CNTN5: variants seen among roughly 807,000 people sequenced by gnomAD.
CNTN5 encodes contactin 5, also known as contactin-5.
In CNTN5, 77 loss-of-function variants were observed where a neutral mutation model predicts 129.1. The observed-to-expected ratio is 0.60, with a 90% CI of 0.50 to 0.72. The LOEUF (loss-of-function observed/expected upper bound fraction) is 0.72, where lower values mean the gene tolerates loss of function less well. Among genes scored for constraint, CNTN5 ranks in the 30% least tolerant of loss-of-function variants. CNTN5 has a pLI of 0.00. For synonymous variants in CNTN5, 509 were observed against 465.6 expected, an observed-to-expected ratio of 1.09 and a Z score of -1.20; for missense variants, 1,478 against 1,328.8, an observed-to-expected ratio of 1.11 and a Z score of -1.75.
intron 3 of CNTN5, among the ~76,000 whole-genome samples, chr11:99,691,595 T>G (rs143818023): frequency 0.015 from 2,356 of 152,300 alleles, 58 homozygotes; most frequent in African/African-American, 0.052. Context: ...CTAATTTGAT[T>G]GCACTGTGGT....
At chr11:99,037,576 C>CTTTTTTTTTTTTTTTTTTT (rs1161467398) in intron 1 of CNTN5, among the ~76,000 whole-genome samples, 3 of 105,668 alleles carry the variant, frequency 2.8e-5, no homozygotes, top group African/African-American at 1.1e-4. Flanking sequence ...TTTTTCTTTT[C>CTTTTTTTTTTTTTTTTTTT]TTTTTTTTTT....
intron 6 of CNTN5, among the ~76,000 whole-genome samples, chr11:99,868,172 T>C (rs1193159414): frequency 2.0e-5 from 3 of 151,242 alleles, no homozygotes; most frequent in African/African-American, 7.3e-5. Flanking sequence ...GCTGAGAACG[T>C]GCCGCTGCAC....
Position 100,048,866 on chromosome 11 carries a change from CAAAG to C in CNTN5, c.981-12342_981-12339del, listed in dbSNP as rs1174153944. On this transcript the variant is annotated intron_variant, in intron 9 of 24. Coordinates refer to ENST00000524871, the MANE Select transcript of CNTN5 (RefSeq NM_014361.4). Reference sequence around the variant, plus strand: ...CAATGAAATATAAACAGGGTAAAAACAAAGAAAAATGTGGGAAGATACAACATAA... The same window carrying C: ...CAATGAAATATAAACAGGGTAAAAACAAAAATGTGGGAAGATACAACATAA... 2.0e-5 allele frequency among the ~76,000 whole-genome samples: 3 copies of C among 151,478 alleles called. No homozygotes were observed. In the East Asian group the frequency reaches 5.8e-4, roughly 29 times the overall value.
At chr11:99,842,112 C>T (rs567527757) in intron 4 of CNTN5, among the ~76,000 whole-genome samples, 17 of 152,136 alleles carry the variant, frequency 1.1e-4, no homozygotes, top group South Asian at 6.2e-4. Flanking sequence ...CCAGGCTTCT[C>T]TCAAACTACT....
At chr11:100,026,926 T>C (rs563541289) in intron 9 of CNTN5, among the ~76,000 whole-genome samples, 16 of 152,260 alleles carry the variant, frequency 1.1e-4, no homozygotes, top group African/African-American at 3.6e-4. Context: ...ATGCCTTTGA[T>C]AGTGTATCTA....
intron 1 of CNTN5, among the ~76,000 whole-genome samples, chr11:99,091,800 T>C (rs1237447178): frequency 1.3e-5 from 2 of 152,026 alleles, no homozygotes; most frequent in African/African-American, 2.4e-5. Context: ...ATTTATGATA[T>C]AGAATAGAGC....
intron 8 of CNTN5, among the ~76,000 whole-genome samples, chr11:99,977,332 C>T (rs1311438293): frequency 6.6e-6 from 1 of 152,192 alleles, no homozygotes; most frequent in Non-Finnish European, 1.5e-5. Context: ...GCCCTCCAAA[C>T]TGTTCCAACA....
chr11:100,001,113 C>G (rs1939844655), intron 8 of CNTN5, among the ~76,000 whole-genome samples: 1 of 152,166 alleles, frequency 6.6e-6, no homozygotes, highest in African/African-American at 2.4e-5. Flanking sequence ...GTTACTTATG[C>G]AAATTTCTGC....
chr11:99,584,874 G>C (rs369959221), intron 3 of CNTN5, among the ~76,000 whole-genome samples: 16 of 152,318 alleles, frequency 1.1e-4, no homozygotes, highest in South Asian at 1.0e-3. Flanking sequence ...TGCATACTTG[G>C]TGGATATTTT....
intron 2 of CNTN5, among the ~76,000 whole-genome samples, chr11:99,440,854 C>T (rs1482010304): frequency 6.6e-6 from 1 of 152,088 alleles, no homozygotes; most frequent in Non-Finnish European, 1.5e-5. Context: ...GCAAGGGAAG[C>T]TGGGATACGT....
intron 1 of CNTN5, among the ~76,000 whole-genome samples, chr11:99,287,267 C>T (rs1863978046): frequency 6.6e-6 from 1 of 152,008 alleles, no homozygotes; most frequent in Admixed American, 6.6e-5. Flanking sequence ...TTTAATGAAG[C>T]TGAAATAGTA....
chr11:99,191,282 A>G, intron 1 of CNTN5, among the ~76,000 whole-genome samples: 1 of 151,782 alleles, frequency 6.6e-6, no homozygotes, highest in Non-Finnish European at 1.5e-5. Context: ...GTTCATCAGG[A>G]ATATTGGCCT....
At position 99,146,668 on chromosome 11, in the gene CNTN5, C is replaced by T. The variant is rs116441986; in HGVS notation, c.-210+125398C>T. On this transcript the variant is annotated intron_variant, in intron 1 of 24. Coordinates refer to ENST00000524871, the MANE Select transcript of CNTN5 (RefSeq NM_014361.4). ...TTTATTATTTTCTGTATTGCTTAAT[C>T]TCCATGAAATGTCCATATTTATTTA... is the stretch of plus-strand genomic sequence containing the variant. Among the ~76,000 whole-genome samples the T allele has an allele frequency of 1.4e-3, 219 of 152,224 alleles. 1 individual carries two copies. Among genetic ancestry groups the T allele is most frequent in the African/African-American group, 5.2e-3 (218 of 41,538 alleles).
At chr11:100,201,505 T>C (rs1211747675) in intron 15 of CNTN5, among the ~76,000 whole-genome samples, 1 of 151,990 alleles carries the variant, frequency 6.6e-6, no homozygotes, top group Non-Finnish European at 1.5e-5. Flanking sequence ...CTTTGGTGCC[T>C]AATAACCATC....
chr11:100,064,664 T>C (rs1943625064), intron 10 of CNTN5, among the ~76,000 whole-genome samples: 1 of 152,156 alleles, frequency 6.6e-6, no homozygotes, highest in South Asian at 2.1e-4. Context: ...TGGCTATTTC[T>C]GTCCCCTCTA....
At chr11:99,474,836 A>C (rs1391663865) in intron 2 of CNTN5, among the ~76,000 whole-genome samples, 3 of 152,162 alleles carry the variant, frequency 2.0e-5, no homozygotes, top group Non-Finnish European at 1.5e-5. Flanking sequence ...TGGCTAGCTA[A>C]TGTTTCCGGA....
intron 1 of CNTN5, among the ~76,000 whole-genome samples, chr11:99,248,935 C>T (rs1182274674): frequency 1.3e-5 from 2 of 152,100 alleles, no homozygotes; most frequent in African/African-American, 4.8e-5. Flanking sequence ...TTAGGATTGA[C>T]TTGGCAATGT....
At chr11:100,223,530 A>G (rs1949311337) in intron 15 of CNTN5, among the ~76,000 whole-genome samples, 2 of 152,300 alleles carry the variant, frequency 1.3e-5, no homozygotes, top group South Asian at 2.1e-4. Flanking sequence ...CTATCTCAAA[A>G]TAAAGGCAAA....
At chr11:100,066,766 T>G (rs1943711301) in intron 10 of CNTN5, among the ~76,000 whole-genome samples, 1 of 150,948 alleles carries the variant, frequency 6.6e-6, no homozygotes, top group African/African-American at 2.4e-5. Flanking sequence ...CGTCTTGGCA[T>G]CTGCTCACCC....
Sources: allele counts gnomAD v4.1 joint callset (sites outside exome capture counted in the v4.1 genomes callset), GRCh38; gene constraint gnomAD v4.1.1; transcripts MANE v1.5; gene names NCBI Gene and HGNC (gene_info 2026-07-23, HGNC 2026-07-21).